The following CAMTA1 variants were observed in gnomAD, a reference collection of about 807,000 sequenced individuals.
CAMTA1 encodes the protein calmodulin binding transcription activator 1, also known as calmodulin-binding transcription activator 1.
CAMTA1 carries 27 observed loss-of-function variants against 170.9 expected under a neutral mutation model. That is an observed-to-expected ratio of 0.16 (90% CI 0.12 to 0.22). The LOEUF (loss-of-function observed/expected upper bound fraction) is 0.22. Ranked by LOEUF, CAMTA1 falls within the 10% of genes least tolerant of loss-of-function variation. The probability of loss-of-function intolerance (pLI) is 1.00; values close to 1 mark genes in which losing one functional copy is unlikely to be tolerated. For missense variants in CAMTA1, 1,619 were observed against 2,217.2 expected (o/e 0.73, Z 5.42); for synonymous variants, 833 against 891.5 (o/e 0.93, Z 1.17).
rs144455701 is a variant in CAMTA1 at position 7,045,315 on chromosome 1, G to A, written c.235-45989G>A. Among the ~76,000 whole-genome samples the A allele has an allele frequency of 3.3e-3, 505 of 152,272 alleles. 6 individuals carry two copies. Among genetic ancestry groups the A allele is most frequent in the African/African-American group, 0.012 (481 of 41,542 alleles). On this transcript the variant is annotated intron_variant, in intron 3 of 22. Transcript: ENST00000303635. ...GATGAGACCAACCTCTCCTGGAAGG[G>A]CATTGCTGTTGCTAGCCACACCTGC...
intron 6 of CAMTA1, among the ~76,000 whole-genome samples, chr1:7,599,211 T>G (rs1323555169): frequency 6.6e-6 from 1 of 152,160 alleles, no homozygotes; most frequent in Non-Finnish European, 1.5e-5. Context: ...TTTCCCCATT[T>G]CTTGTTTTTG....
chr1:7,548,745 T>C (rs1407665064), intron 6 of CAMTA1, among the ~76,000 whole-genome samples: 1 of 82,824 alleles, frequency 1.2e-5, no homozygotes, highest in East Asian at 4.9e-4. Flanking sequence ...GAGGTGCCCT[T>C]GCAGGGTTCC....
At chr1:6,908,734 T>C (rs532486430) in intron 3 of CAMTA1, among the ~76,000 whole-genome samples, 1 of 152,372 alleles carries the variant, frequency 6.6e-6, no homozygotes, top group African/African-American at 2.4e-5. Context: ...CATTGTGAGC[T>C]CAACCCCAGA....
chr1:7,594,688 T>C (rs558876022), intron 6 of CAMTA1, among the ~76,000 whole-genome samples: 4 of 152,272 alleles, frequency 2.6e-5, no homozygotes, highest in Admixed American at 1.3e-4. Flanking sequence ...GGGACCTATT[T>C]TGAGGCAAGG....
intron 4 of CAMTA1, among the ~76,000 whole-genome samples, chr1:7,208,811 G>A (rs1658229499): frequency 6.6e-6 from 1 of 152,124 alleles, no homozygotes; most frequent in South Asian, 2.1e-4. Context: ...GATGTCGAAG[G>A]GACCAGCTTG....
At chr1:7,317,334 A>C (rs547706243) in intron 5 of CAMTA1, among the ~76,000 whole-genome samples, 62 of 152,270 alleles carry the variant, frequency 4.1e-4, no homozygotes, top group African/African-American at 1.4e-3. Flanking sequence ...TGGCTGTTGA[A>C]AGGATGACAA....
chr1:6,795,990 A>C (rs959230593), intron 1 of CAMTA1, among the ~76,000 whole-genome samples: 3 of 152,224 alleles, frequency 2.0e-5, no homozygotes, highest in African/African-American at 7.2e-5. Flanking sequence ...CTGGCTAAAC[A>C]GATTGAAACC....
chr1:7,365,212 A>C (rs845264), intron 5 of CAMTA1, among the ~76,000 whole-genome samples: 95,665 of 142,816 alleles, frequency 0.67, 31,885 homozygotes, highest in Non-Finnish European at 0.76. Context: ...GCCTTTGAGC[A>C]GCAAGCACCT....
At chr1:7,643,753 G>A (rs1158373556) in intron 7 of CAMTA1, among the ~76,000 whole-genome samples, 5 of 152,204 alleles carry the variant, frequency 3.3e-5, no homozygotes, top group East Asian at 1.9e-4. Context: ...AAGCAGAGCC[G>A]CACACAATTC....
At chr1:7,415,936 C>G (rs1211425893) in intron 5 of CAMTA1, among the ~76,000 whole-genome samples, 1 of 152,176 alleles carries the variant, frequency 6.6e-6, no homozygotes, top group African/African-American at 2.4e-5. Context: ...CCTTCAGGAG[C>G]TCTTTTAGGG....
chr1:7,061,929 T>G (rs965433119), intron 3 of CAMTA1, among the ~76,000 whole-genome samples: 2 of 152,184 alleles, frequency 1.3e-5, no homozygotes, highest in Admixed American at 6.5e-5. Flanking sequence ...TTAAATTTTA[T>G]TTTTTTGAGA....
At chr1:7,494,199 G>A (rs34309070) in intron 6 of CAMTA1, among the ~76,000 whole-genome samples, 99,214 of 151,146 alleles carry the variant, frequency 0.66, 33,744 homozygotes, top group African/African-American at 0.83. Context: ...TTCAGAGGGG[G>A]AAAAATCTGC....
At chr1:7,302,359 A>G (rs548603595) in intron 5 of CAMTA1, among the ~76,000 whole-genome samples, 7 of 152,056 alleles carry the variant, frequency 4.6e-5, no homozygotes, top group Non-Finnish European at 1.0e-4. Context: ...TGAGTCTAGG[A>G]ACGGTTTTGT....
At chr1:6,814,316 C>T (rs1182790332) in intron 1 of CAMTA1, among the ~76,000 whole-genome samples, 4 of 152,190 alleles carry the variant, frequency 2.6e-5, no homozygotes, top group Admixed American at 1.3e-4. Context: ...TCCTTCTCTT[C>T]CTCCTCTTCC....
At chr1:7,114,385 C>T (rs956637895) in intron 4 of CAMTA1, among the ~76,000 whole-genome samples, 1 of 149,606 alleles carries the variant, frequency 6.7e-6, no homozygotes, top group African/African-American at 2.5e-5. Flanking sequence ...CTGGGCCACA[C>T]TGGAAGAAGA....
chr1:7,038,082 G>A (rs1703903839), intron 3 of CAMTA1, among the ~76,000 whole-genome samples: 1 of 152,122 alleles, frequency 6.6e-6, no homozygotes, highest in Non-Finnish European at 1.5e-5. Context: ...ACTTAATGAA[G>A]TTCTCGTGAG....
chr1:7,516,620 C>T (rs981273942), intron 6 of CAMTA1, among the ~76,000 whole-genome samples: 4 of 152,190 alleles, frequency 2.6e-5, no homozygotes, highest in African/African-American at 2.4e-5. Flanking sequence ...CATTTCTCCA[C>T]CCCAAGACAA....
intron 7 of CAMTA1, among the ~76,000 whole-genome samples, chr1:7,654,731 CCACA>C (rs1414869331): frequency 8.2e-6 from 1 of 121,802 alleles, no homozygotes; most frequent in African/African-American, 3.2e-5. Flanking sequence ...ATACACACAC[CCACA>C]CACCTATACA....
intron 3 of CAMTA1, among the ~76,000 whole-genome samples, chr1:6,913,336 G>C (rs1302326189): frequency 6.6e-6 from 1 of 152,164 alleles, no homozygotes; most frequent in Non-Finnish European, 1.5e-5. Context: ...TTTCCATCAG[G>C]ACGGTCAGAG....
Sources: allele counts gnomAD v4.1 joint callset (sites outside exome capture counted in the v4.1 genomes callset), GRCh38; gene constraint gnomAD v4.1.1; transcripts MANE v1.5; gene names NCBI Gene and HGNC (gene_info 2026-07-23, HGNC 2026-07-21).